Variants in ZNF793 observed in about 807,000 individuals in gnomAD.
ZNF793 encodes the protein zinc finger protein 793.
A neutral mutation model predicts 12.4 loss-of-function variants in ZNF793; 5 were observed. The observed-to-expected ratio is 0.40, with a 90% CI of 0.21 to 0.84. The LOEUF is 0.84. ZNF793 is among the 40% of genes least tolerant of loss of function. The pLI is 0.35. For missense variants in ZNF793, 456 were observed against 495.0 expected (o/e 0.92, Z 0.75); for synonymous variants, 162 against 172.4 (o/e 0.94, Z 0.47).
intron 5 of ZNF793, among the ~76,000 whole-genome samples, chr19:37,525,068 T>C (rs1201334016): frequency 1.3e-5 from 2 of 152,066 alleles, no homozygotes; most frequent in Non-Finnish European, 2.9e-5. Flanking sequence ...GATCCACATA[T>C]ATAATGGAAG....
In ZNF793 at chr19:37,532,440, C is replaced by T. The variant is rs763972983; in HGVS notation, c.100C>T (p.Arg34Trp). 2.2e-5 allele frequency: 36 copies of T among 1,613,030 alleles called. No homozygotes were observed. The highest frequency in any genetic ancestry group is 6.7e-5 in the Admixed American group (4 of 59,760). ...RLSPAQRALY[R>W]DVMLETYSNL... ...GAGTCCTGCTCAGAGGGCCCTGTAC[C>T]GGGATGTGATGCTGGAAACCTATAG... The change falls in exon 6 of 8, where the codon CGG becomes TGG. Residue 34 changes from arginine to tryptophan, a missense_variant. Arg to Trp is a moderately radical substitution (Grantham distance 101). Transcript: ENST00000627814.
chr19:37,532,837 A>T (rs1290404875), intron 6 of ZNF793, among the ~76,000 whole-genome samples: 1 of 152,158 alleles, frequency 6.6e-6, no homozygotes, highest in Non-Finnish European at 1.5e-5. Context: ...AAAATAAAAA[A>T]AAAGCAACGG....
chr19:37,522,294 T>C (rs149234766), intron 3 of ZNF793, among the ~76,000 whole-genome samples: 2,452 of 152,118 alleles, frequency 0.016, 45 homozygotes, highest in African/African-American at 0.047. Context: ...GCCTCCTGGG[T>C]TCAAATGATT....
intron 3 of ZNF793, among the ~76,000 whole-genome samples, 180 bp downstream of exon 3, chr19:37,520,492 G>A (rs994924537): frequency 2.0e-5 from 3 of 152,206 alleles, no homozygotes; most frequent in Non-Finnish European, 4.4e-5. Context: ...TGAGCCAGAA[G>A]CTGAGCAAGA....
intron 7 of ZNF793, chr19:37,533,618 C>A: frequency 2.0e-6 from 1 of 501,684 alleles, no homozygotes; most frequent in Non-Finnish European, 3.5e-6. Flanking sequence ...TGGTCCATCT[C>A]TCTTTCTCCA....
At position 37,541,042 on chromosome 19, in the gene ZNF793, T is replaced by G. The variant is rs1691646909; in HGVS notation, c.*3163T>G. 6.6e-6 allele frequency: 1 copy of G among 152,072 alleles called. No homozygotes were observed. The highest frequency in any genetic ancestry group is 1.5e-5 in the Non-Finnish European group (1 of 68,028). The allele number at this position is 152,072 out of a possible 1,614,324, so 9.4% of individuals were successfully genotyped here. On this transcript the variant is annotated 3_prime_UTR_variant, in exon 8 of 8. Coordinates refer to ENST00000627814, the MANE Select transcript of ZNF793 (RefSeq NM_001013659.3). ...TGAAGCCATTCTAATGAAATTAATA[T>G]TGTATTGGCAAAGGAACAGGTAAAT...
chr19:37,536,917 A>G lies in ZNF793; in HGVS notation c.259A>G (p.Ile87Val), dbSNP rs368598248. 3.7e-6 allele frequency: 6 copies of G among 1,610,696 alleles called. No homozygotes were observed. The highest frequency in any genetic ancestry group is 5.1e-6 in the Non-Finnish European group (6 of 1,178,950). ...TCCAGAAGACATCTGGCGAGTTAATATCCAGAGGAAAAGACGGCAAGACAT... is the reference window on the plus strand; with the variant it reads ...TCCAGAAGACATCTGGCGAGTTAATGTCCAGAGGAAAAGACGGCAAGACAT... ...HCWEDIWRVN[I>V]QRKRRQDMLL... The change falls in exon 8 of 8, where the codon ATC becomes GTC. Residue 87 changes from isoleucine to valine, a missense_variant. Ile to Val is a conservative substitution (Grantham distance 29). Transcript: ENST00000627814.
chr19:37,532,935 T>G (rs911097742), intron 6 of ZNF793, among the ~76,000 whole-genome samples: 2 of 152,226 alleles, frequency 1.3e-5, no homozygotes, highest in Non-Finnish European at 2.9e-5. Flanking sequence ...TTTAAAAATA[T>G]TAACTCATTT....
intron 2 of ZNF793, among the ~76,000 whole-genome samples, chr19:37,509,298 C>T (rs940191789): frequency 4.8e-4 from 73 of 152,272 alleles, no homozygotes; most frequent in African/African-American, 1.7e-3. Context: ...TCCATGTGTA[C>T]ACATTATTAT....
chr19:37,542,736 G>A lies in ZNF793; in HGVS notation c.*4857G>A, dbSNP rs2042559647. 3 of 169,680 alleles carry A rather than the reference G, an allele frequency of 1.8e-5. No individual in the cohort carries two copies. The highest frequency in any genetic ancestry group is 1.6e-4 in the East Asian group (1 of 6,334). The allele number at this position is 169,680 out of a possible 1,614,324, so 10.5% of individuals were successfully genotyped here. A position where few individuals can be genotyped will look rare whatever the true frequency, so the allele number is the denominator to read the frequency against. Reference sequence around the variant, plus strand: ...TGTTCTCTTGAGTGAAAAATGCAAGGTAGATATTAAGTATGTTAAATATGA... The same window carrying A: ...TGTTCTCTTGAGTGAAAAATGCAAGATAGATATTAAGTATGTTAAATATGA... On this transcript the variant is annotated 3_prime_UTR_variant, in exon 8 of 8. Transcript: ENST00000627814.
intron 5 of ZNF793, among the ~76,000 whole-genome samples, chr19:37,526,825 C>T (rs559365904): frequency 1.3e-5 from 2 of 152,316 alleles, no homozygotes; most frequent in East Asian, 1.9e-4. Flanking sequence ...TTCTTTCCTT[C>T]GGCCACTCCT....
chr19:37,519,275 A>G (rs1180589156), intron 2 of ZNF793, among the ~76,000 whole-genome samples: 3 of 152,116 alleles, frequency 2.0e-5, no homozygotes, highest in Non-Finnish European at 2.9e-5. Flanking sequence ...CAAAAACAAA[A>G]AAAATTCTGA....
chr19:37,536,986 A>C lies in ZNF793; in HGVS notation c.328A>C (p.Lys110Gln), dbSNP rs186104402. The C allele has an allele frequency of 6.8e-6, 11 of 1,614,030 alleles. No homozygotes were observed. Among genetic ancestry groups the C allele is most frequent in the Non-Finnish European group, 9.3e-6 (11 of 1,179,876 alleles). ...GAAISKKTLP[K>Q]EKSCEYNKFG... ...AGCCATAAGCAAGAAAACATTGCCC[A>C]AGGAGAAAAGCTGTGAATATAATAA... Residue 110 changes from lysine (K) to glutamine (Q), a missense_variant, in exon 8 of 8, where the codon AAG becomes CAG. Transcript: ENST00000627814.
chr19:37,508,292 C>G lies in ZNF793; in HGVS notation c.-387C>G, dbSNP rs1039016770. The G allele has an allele frequency of 2.0e-5, 3 of 152,128 alleles. No individual in the cohort carries two copies. Among genetic ancestry groups the G allele is most frequent in the Non-Finnish European group, 2.9e-5 (2 of 68,042 alleles). The allele number at this position is 152,128 out of a possible 1,614,324, so 9.4% of individuals were successfully genotyped here. A position where few individuals can be genotyped will look rare whatever the true frequency, so the allele number is the denominator to read the frequency against. On this transcript the variant is annotated 5_prime_UTR_variant, in exon 2 of 8. An upstream open reading frame in the 5' UTR gains an earlier in-frame stop. Coordinates refer to ENST00000627814, the MANE Select transcript of ZNF793 (RefSeq NM_001013659.3). ...TCTTTCTGGCAAAGGTAATGACATA[C>G]GCATCTGTGCCAGCATCCCAAGAGT...
chr19:37,531,762 G>T (rs775775390), intron 5 of ZNF793, among the ~76,000 whole-genome samples: 2 of 152,134 alleles, frequency 1.3e-5, no homozygotes, highest in African/African-American at 4.8e-5. Flanking sequence ...GGCTTTACAT[G>T]TTGCTCTCTC....
chr19:37,531,188 T>A lies in ZNF793; in HGVS notation c.16-1168T>A, dbSNP rs544490770. Among the ~76,000 whole-genome samples, 7 of 151,492 alleles carry A rather than the reference T, an allele frequency of 4.6e-5. No individual in the cohort carries two copies. The East Asian group carries it at 1.4e-3, about 29-fold the overall frequency. The stretch of plus-strand genomic sequence containing the variant: ...TTTTGTTTGTTTTTTTTTGTTTGAG[T>A]CAGAGTCTCACCCTGTCCTCCAGGC... On this transcript the variant is annotated intron_variant, in intron 5 of 7. Coordinates refer to ENST00000627814, the MANE Select transcript of ZNF793 (RefSeq NM_001013659.3).
Position 37,537,634 on chromosome 19 carries a change from C to G in ZNF793, c.976C>G (p.Leu326Val). ...GAAATCGTTTGGTGAGAAGTCATACCTCAATGTACATCGAAAAATGCACAC... is the reference window on the plus strand; with the variant it reads ...GAAATCGTTTGGTGAGAAGTCATACGTCAATGTACATCGAAAAATGCACAC... Reference protein sequence around the residue: ...CGKSFGEKSYLNVHRKMHTGE... With the variant: ...CGKSFGEKSYVNVHRKMHTGE... The change falls in exon 8 of 8, where the codon CTC (leucine) becomes GTC (valine). Residue 326 changes from leucine (L) to valine (V), a missense_variant. By Grantham distance (32) the Leu-to-Val change is conservative. Coordinates refer to ENST00000627814, the MANE Select transcript of ZNF793 (RefSeq NM_001013659.3). 1 of 1,614,086 alleles carries G rather than the reference C, an allele frequency of 6.2e-7. No homozygotes were observed.
chr19:37,537,455 A>G lies in ZNF793; in HGVS notation c.797A>G (p.His266Arg). Residue 266 changes from histidine to arginine, a missense_variant, in exon 8 of 8, where the codon CAT becomes CGT. By Grantham distance (29) the His-to-Arg change is conservative. Transcript: ENST00000627814. ...ACTGACTGTGGGAAAGCCTTTTCAC[A>G]TAAGTCAACCCTCATCAAACACCAG... ...GCTDCGKAFS[H>R]KSTLIKHQRI... The G allele has an allele frequency of 1.1e-5, 17 of 1,613,926 alleles. No individual in the cohort carries two copies. Among genetic ancestry groups the G allele is most frequent in the East Asian group, 4.5e-5 (2 of 44,888 alleles).
In ZNF793 at chr19:37,536,941, A is replaced by C. The variant is rs1319024121; in HGVS notation, c.283A>C (p.Met95Leu). 2 of 1,613,168 alleles carry C rather than the reference A, an allele frequency of 1.2e-6. No homozygotes were observed. The highest frequency in any genetic ancestry group is 2.7e-5 in the African/African-American group (2 of 74,974). Reference sequence around the variant, plus strand: ...TATCCAGAGGAAAAGACGGCAAGACATGCTTTTGAGGCCAGGCGCAGCCAT... The same window carrying C: ...TATCCAGAGGAAAAGACGGCAAGACCTGCTTTTGAGGCCAGGCGCAGCCAT... ...VNIQRKRRQD[M>L]LLRPGAAISK... Residue 95 changes from methionine to leucine, a missense_variant, in exon 8 of 8, where the codon ATG becomes CTG. Met to Leu is a conservative substitution (Grantham distance 15, BLOSUM62 2). Transcript: ENST00000627814.
Sources: allele counts gnomAD v4.1 joint callset (sites outside exome capture counted in the v4.1 genomes callset), GRCh38; gene constraint gnomAD v4.1.1; transcripts MANE v1.5; gene names NCBI Gene and HGNC (gene_info 2026-07-23, HGNC 2026-07-21).